Variants in USH2A observed in about 807,000 individuals in gnomAD.
The protein encoded by USH2A is usherin.
A neutral mutation model predicts 538.9 loss-of-function variants in USH2A; 443 were observed. The observed-to-expected ratio is 0.82, with a 90% CI of 0.76 to 0.89. The LOEUF is 0.89. Among genes scored for constraint, USH2A ranks in the 40% least tolerant of loss-of-function variants. USH2A has a pLI of 0.00. For synonymous variants in USH2A, 2,413 were observed against 2,273.5 expected, an observed-to-expected ratio of 1.06 and a Z score of -1.75; for missense variants, 6,633 against 6,324.8, an observed-to-expected ratio of 1.05 and a Z score of -1.65.
rs566173312 is a variant in USH2A at position 215,811,914 on chromosome 1, A to G, written c.9739+1822T>C. ...AAGAGCAAAACTCCATCTCAAAACA[A>G]ACAAACAAATAAAAAAACAAACAAA... On this transcript the variant is annotated intron_variant, in intron 49 of 71. Coordinates refer to ENST00000307340, the MANE Select transcript of USH2A (RefSeq NM_206933.4). 9.9e-5 allele frequency among the ~76,000 whole-genome samples: 15 copies of G among 151,572 alleles called. No individual in the cohort carries two copies. In the South Asian group the frequency reaches 2.7e-3, roughly 28 times the overall value.
intron 30 of USH2A, among the ~76,000 whole-genome samples, chr1:216,068,829 C>A (rs952942100): frequency 2.0e-5 from 3 of 152,084 alleles, no homozygotes; most frequent in Non-Finnish European, 4.4e-5. Context: ...TTCATTCATC[C>A]AACCCCTAAT....
At chr1:216,114,945 T>C (rs976497692) in intron 21 of USH2A, among the ~76,000 whole-genome samples, 4 of 152,128 alleles carry the variant, frequency 2.6e-5, no homozygotes, top group African/African-American at 9.7e-5. Flanking sequence ...TATTTAGATG[T>C]GTATTTTCAT....
rs753175395 is a variant in USH2A at position 215,628,990 on chromosome 1, T to C, written c.15343A>G (p.Ile5115Val). ...ACACATGCACTCCGGTTGCTGCGGA[T>C]ACTCACAGGTGTCCCAGACCGGGGA... Reference protein sequence around the residue: ...KIPRSGTPVSIRSNRSACVLR... With the variant: ...KIPRSGTPVSVRSNRSACVLR... Residue 5115 changes from isoleucine to valine, a missense_variant, in exon 71 of 72, where the codon ATC becomes GTC. Coordinates refer to ENST00000307340, the MANE Select transcript of USH2A (RefSeq NM_206933.4). 4.3e-6 allele frequency: 7 copies of C among 1,613,716 alleles called. No individual in the cohort carries two copies. The African/African-American group carries it at 9.3e-5, about 22-fold the overall frequency.
At chr1:216,157,138 C>T (rs1572007988) in intron 21 of USH2A, among the ~76,000 whole-genome samples, 1 of 152,146 alleles carries the variant, frequency 6.6e-6, no homozygotes, top group Non-Finnish European at 1.5e-5. Flanking sequence ...TCCCAAAGTG[C>T]TGGATTACAG....
intron 47 of USH2A, among the ~76,000 whole-genome samples, chr1:215,825,422 G>A (rs151254144): frequency 6.6e-6 from 1 of 151,230 alleles, no homozygotes. Context: ...AAAATAATTT[G>A]ATATCACTTA....
At chr1:215,778,757 C>T (rs542108728) in intron 55 of USH2A, among the ~76,000 whole-genome samples, 33 of 152,266 alleles carry the variant, frequency 2.2e-4, no homozygotes, top group African/African-American at 7.7e-4. Flanking sequence ...TACAATCTTG[C>T]CCATGGTCTT....
At chr1:216,172,522 G>C (rs1028679562) in intron 21 of USH2A, among the ~76,000 whole-genome samples, 1 of 152,000 alleles carries the variant, frequency 6.6e-6, no homozygotes, top group South Asian at 2.1e-4. Context: ...TCAAGGATTT[G>C]CTCATTAAAT....
chr1:215,807,720 T>C (rs545852497), intron 49 of USH2A, among the ~76,000 whole-genome samples: 2 of 152,152 alleles, frequency 1.3e-5, no homozygotes, highest in African/African-American at 4.8e-5. Flanking sequence ...CAAAGGTCAT[T>C]AGATGTTTGA....
Position 216,251,083 on chromosome 1 carries a change from T to C in USH2A, c.1987A>G (p.Asn663Asp). Residue 663 changes from asparagine (N) to aspartate (D), a missense_variant, in exon 12 of 72, where the codon AAT (asparagine) becomes GAT (aspartate). Coordinates refer to ENST00000307340, the MANE Select transcript of USH2A (RefSeq NM_206933.4). ...CTGCCAGACACGTGTCTCTTACAAT[T>C]ACACTGTCCTCCAATCTAGAGAAGA... is the stretch of plus-strand genomic sequence containing the variant. ...ILCDQIGGQC[N>D]CKRHVSGRQC... 1.2e-6 allele frequency: 2 copies of C among 1,614,026 alleles called. No individual in the cohort carries two copies. Among genetic ancestry groups the C allele is most frequent in the Non-Finnish European group, 1.7e-6 (2 of 1,179,952 alleles).
chr1:215,640,828 A>G, intron 67 of USH2A, 94 bp from the exon 68 acceptor site: 1 of 1,160,568 alleles, frequency 8.6e-7, no homozygotes, highest in Non-Finnish European at 1.2e-6. Context: ...GCAAAATCAA[A>G]CCGAACCAAT....
chr1:216,190,077 T>G, intron 20 of USH2A, 146 bp downstream of exon 20: 1 of 1,179,592 alleles, frequency 8.5e-7, no homozygotes, highest in Non-Finnish European at 1.2e-6. Flanking sequence ...GTTGTTGTTG[T>G]TTAAAACTGT....
chr1:215,871,352 ATTTG>A (rs1292946333), intron 43 of USH2A, among the ~76,000 whole-genome samples: 4 of 152,310 alleles, frequency 2.6e-5, no homozygotes, highest in East Asian at 1.9e-4. Context: ...TGCAGTTTTA[ATTTG>A]TTTATTTACT....
intron 56 of USH2A, among the ~76,000 whole-genome samples, chr1:215,764,296 T>C (rs1661065347): frequency 6.6e-6 from 1 of 152,106 alleles, no homozygotes; most frequent in South Asian, 2.1e-4. Flanking sequence ...GAATCTGGAA[T>C]GAACTGAAAA....
intron 61 of USH2A, among the ~76,000 whole-genome samples, chr1:215,703,871 ACT>A (rs1184859667): frequency 1.3e-5 from 2 of 148,346 alleles, no homozygotes; most frequent in Admixed American, 1.3e-4. Context: ...GGAAAAAAAA[ACT>A]CCTGCAGCTA....
chr1:216,013,128 G>C (rs1477742551), intron 32 of USH2A, among the ~76,000 whole-genome samples: 1 of 152,076 alleles, frequency 6.6e-6, no homozygotes, highest in South Asian at 2.1e-4. Flanking sequence ...GTCCTGAGTC[G>C]TCCCAATACT....
intron 30 of USH2A, among the ~76,000 whole-genome samples, chr1:216,056,782 TTGTG>T (rs148484406): frequency 5.4e-5 from 8 of 149,288 alleles, no homozygotes; most frequent in Non-Finnish European, 8.9e-5. Flanking sequence ...ATGTGTGCAT[TTGTG>T]TGTGTGTGTG....
intron 37 of USH2A, among the ~76,000 whole-genome samples, chr1:215,956,651 G>A (rs1391497494): frequency 6.6e-6 from 1 of 152,058 alleles, no homozygotes; most frequent in East Asian, 1.9e-4. Context: ...TACGACCCAT[G>A]GTTACAATTT....
Position 216,198,313 on chromosome 1 carries a change from A to C in USH2A, c.4081+2T>G. On this transcript the variant is annotated splice_donor_variant, in intron 18 of 71. Coordinates refer to ENST00000307340, the MANE Select transcript of USH2A (RefSeq NM_206933.4). LOFTEE classifies it high-confidence loss of function. ...AGTAGAATTTAAAACATTGATCTTTACCTGATTCTCCCGTTCTTTCTGAGA... is the reference window on the plus strand; with the variant it reads ...AGTAGAATTTAAAACATTGATCTTTCCCTGATTCTCCCGTTCTTTCTGAGA... 1 of 1,613,842 alleles carries C rather than the reference A, an allele frequency of 6.2e-7. No homozygotes were observed. The highest frequency in any genetic ancestry group is 8.5e-7 in the Non-Finnish European group (1 of 1,179,902).
intron 38 of USH2A, among the ~76,000 whole-genome samples, chr1:215,901,860 A>G (rs1230283934): frequency 1.3e-5 from 2 of 152,148 alleles, no homozygotes; most frequent in Non-Finnish European, 2.9e-5. Context: ...TTGAAAGCAA[A>G]TTCAGCAAAA....
Sources: allele counts gnomAD v4.1 joint callset (sites outside exome capture counted in the v4.1 genomes callset), GRCh38; gene constraint gnomAD v4.1.1; transcripts MANE v1.5; gene names NCBI Gene and HGNC (gene_info 2026-07-23, HGNC 2026-07-21).